Variants in APBB2 observed in about 807,000 individuals in gnomAD.
APBB2 encodes Fe65-like 1.
APBB2 carries 38 observed loss-of-function variants against 82.5 expected under a neutral mutation model. The ratio of observed to expected loss-of-function variants is 0.46; its 90% confidence interval spans 0.36 to 0.60. The LOEUF (loss-of-function observed/expected upper bound fraction) is 0.60, where lower values mean the gene tolerates loss of function less well. Ranked by LOEUF, APBB2 falls within the 20% of genes least tolerant of loss-of-function variation. The pLI is 0.00. For synonymous variants in APBB2, 341 were observed against 368.2 expected, an observed-to-expected ratio of 0.93 and a Z score of 0.85; for missense variants, 772 against 972.3, an observed-to-expected ratio of 0.79 and a Z score of 2.74.
intron 2 of APBB2, among the ~76,000 whole-genome samples, chr4:41,106,736 A>G (rs1747402149): frequency 6.6e-6 from 1 of 152,152 alleles, no homozygotes; most frequent in African/African-American, 2.4e-5. Flanking sequence ...TCGGCCTTCC[A>G]AAGTGCTGGG....
At chr4:40,981,756 G>A (rs1201634527) in intron 6 of APBB2, among the ~76,000 whole-genome samples, 1 of 152,058 alleles carries the variant, frequency 6.6e-6, no homozygotes, top group Non-Finnish European at 1.5e-5. Flanking sequence ...CTTGTTTGGG[G>A]GCTATGCTTC....
chr4:41,186,736 T>G (rs529651153), intron 1 of APBB2, among the ~76,000 whole-genome samples: 2 of 152,292 alleles, frequency 1.3e-5, no homozygotes, highest in South Asian at 4.2e-4. Flanking sequence ...AAAAATGCAT[T>G]TAATACAGCA....
intron 1 of APBB2, among the ~76,000 whole-genome samples, chr4:41,180,508 C>CG (rs1235968797): frequency 6.6e-6 from 1 of 151,926 alleles, no homozygotes; most frequent in Non-Finnish European, 1.5e-5. Context: ...GTGGTACATG[C>CG]GTGTAGTCCC....
Position 40,811,126 on chromosome 4 carries a change from A to AATT in APBB2, c.*4963_*4965dup, listed in dbSNP as rs1744311458. The AATT allele has an allele frequency of 6.6e-6, 1 of 152,192 alleles. No homozygotes were observed. The highest frequency in any genetic ancestry group is 2.4e-5 in the African/African-American group (1 of 41,432). 9.4% of individuals were successfully genotyped at this position (152,192 alleles called of 1,614,324 possible). ...ATCTCCTAACATGCATTTGGCACTAAATTATTTTTCTCTTTAGAAGTATAT... is the reference window on the plus strand; with the variant it reads ...ATCTCCTAACATGCATTTGGCACTAAATTATTATTTTTCTCTTTAGAAGTATAT... On this transcript the variant is annotated 3_prime_UTR_variant, in exon 18 of 18. Transcript: ENST00000508593.
In APBB2 at chr4:40,890,381, C is replaced by G. The variant is rs765836843; in HGVS notation, c.1512G>C (p.Val504=). 1 of 1,613,056 alleles carries G rather than the reference C, an allele frequency of 6.2e-7. No homozygotes were observed. The highest frequency in any genetic ancestry group is 8.5e-7 in the Non-Finnish European group (1 of 1,179,920). Residue 504 remains valine (V), a synonymous_variant, in exon 12 of 18, where the codon GTG becomes GTC. Transcript: ENST00000508593. ...QPIVSIRVWG[V]GRDNGRDFAY... is the part of the protein sequence containing the mutation. ...GGACTCACCGGCCATTGTCGCGGCC[C>G]ACGCCCCACACGCGGATGCTGACGA...
intron 3 of APBB2, among the ~76,000 whole-genome samples, chr4:41,080,606 T>C (rs1310058062): frequency 6.6e-6 from 1 of 152,144 alleles, no homozygotes; most frequent in Admixed American, 6.5e-5. Context: ...TCATAAAGAC[T>C]TGTCAAGAGA....
intron 13 of APBB2, among the ~76,000 whole-genome samples, chr4:40,828,627 A>C (rs538598721): frequency 6.6e-6 from 1 of 152,234 alleles, no homozygotes; most frequent in East Asian, 1.9e-4. Flanking sequence ...AGTGCCTTTG[A>C]TAGTGCCTGG....
intron 6 of APBB2, among the ~76,000 whole-genome samples, chr4:40,994,882 G>A (rs1321943019): frequency 1.0e-4 from 15 of 150,212 alleles, no homozygotes; most frequent in African/African-American, 2.9e-4. Context: ...GGGAGGGAGG[G>A]AAGGAGGGAA....
At chr4:40,822,386 T>C (rs1266831575) in intron 16 of APBB2, 1 of 203,082 alleles carries the variant, frequency 4.9e-6, no homozygotes, top group Admixed American at 5.5e-5. Flanking sequence ...GGACACCTGG[T>C]GGCCCAAAAC....
At chr4:41,056,167 C>T (rs568833867) in intron 4 of APBB2, among the ~76,000 whole-genome samples, 48 of 151,368 alleles carry the variant, frequency 3.2e-4, no homozygotes, top group African/African-American at 1.1e-3. Flanking sequence ...GCAACAAGAG[C>T]TAAACTCCAT....
chr4:40,916,495 G>A (rs192958343), intron 10 of APBB2, among the ~76,000 whole-genome samples: 40 of 152,342 alleles, frequency 2.6e-4, no homozygotes, highest in African/African-American at 8.9e-4. Context: ...AGTATTGGCT[G>A]AGCTGCGATT....
chr4:41,101,533 T>C (rs1363809004), intron 2 of APBB2, among the ~76,000 whole-genome samples: 2 of 136,084 alleles, frequency 1.5e-5, no homozygotes, highest in Non-Finnish European at 3.1e-5. Flanking sequence ...AGGAAAGTTA[T>C]CAACAACTTT....
At chr4:41,199,958 C>T (rs927976217) in intron 1 of APBB2, among the ~76,000 whole-genome samples, 1 of 152,120 alleles carries the variant, frequency 6.6e-6, no homozygotes, top group Non-Finnish European at 1.5e-5. Flanking sequence ...CAGAATTTGG[C>T]CCTTTAGACA....
Position 40,956,042 on chromosome 4 carries a change from G to A in APBB2, c.836-10969C>T, listed in dbSNP as rs184810158. ...ACCTACCTCGGCCTCCCAAAGTGCT[G>A]GGATTACAGGTGTGAGCCACCACAC... is the stretch of plus-strand genomic sequence containing the variant. On this transcript the variant is annotated intron_variant, in intron 6 of 17. Transcript: ENST00000508593. 2.4e-3 allele frequency among the ~76,000 whole-genome samples: 373 copies of A among 152,248 alleles called. 1 individual carries two copies. Among genetic ancestry groups the A allele is most frequent in the African/African-American group, 8.6e-3 (357 of 41,558 alleles).
intron 17 of APBB2, 44 bp downstream of exon 17, chr4:40,821,827 A>G: frequency 6.2e-7 from 1 of 1,605,670 alleles, no homozygotes; most frequent in Non-Finnish European, 8.5e-7. Flanking sequence ...ATTAGAGATG[A>G]GCAGAGGCGG....
intron 17 of APBB2, among the ~76,000 whole-genome samples, chr4:40,816,523 G>A (rs1272097640): frequency 1.3e-5 from 2 of 152,104 alleles, no homozygotes; most frequent in Admixed American, 6.5e-5. Flanking sequence ...TTGATAGTCC[G>A]CAACGAATAC....
At chr4:40,938,340 G>A (rs769902836) in intron 7 of APBB2, among the ~76,000 whole-genome samples, 2 of 152,184 alleles carry the variant, frequency 1.3e-5, no homozygotes, top group African/African-American at 2.4e-5. Flanking sequence ...TAGGGGGACT[G>A]ACCCAATGCC....
Position 40,994,470 on chromosome 4 carries a change from A to G in APBB2, c.835+19113T>C, listed in dbSNP as rs866076612. On this transcript the variant is annotated intron_variant, in intron 6 of 17. Transcript: ENST00000508593. ...CAAGAAATGGAGTAAGAGTGAGATA[A>G]GATGTCTCCCAAACATAGTATGACT... is the stretch of plus-strand genomic sequence containing the variant. 2.6e-5 allele frequency among the ~76,000 whole-genome samples: 4 copies of G among 152,254 alleles called. 1 individual carries two copies. Among genetic ancestry groups the G allele is most frequent in the South Asian group, 4.1e-4 (2 of 4,822 alleles).
intron 1 of APBB2, among the ~76,000 whole-genome samples, chr4:41,171,545 G>C (rs992142116): frequency 6.6e-6 from 1 of 152,218 alleles, no homozygotes; most frequent in Non-Finnish European, 1.5e-5. Context: ...CTCAGCAAAG[G>C]TCTAGTGACT....
Sources: allele counts gnomAD v4.1 joint callset (sites outside exome capture counted in the v4.1 genomes callset), GRCh38; gene constraint gnomAD v4.1.1; transcripts MANE v1.5; gene names NCBI Gene and HGNC (gene_info 2026-07-23, HGNC 2026-07-21).